PSMA1: variants seen among roughly 807,000 people sequenced by gnomAD.
The protein encoded by PSMA1 is proteasome subunit alpha type-1.
A neutral mutation model predicts 38.4 loss-of-function variants in PSMA1; 3 were observed. The ratio of observed to expected loss-of-function variants is 0.08; its 90% CI spans 0.04 to 0.20. The LOEUF (loss-of-function observed/expected upper bound fraction) is 0.20. Ranked by LOEUF, PSMA1 falls within the 10% of genes least tolerant of loss-of-function variation. The probability of loss-of-function intolerance (pLI) is 1.00; values close to 1 mark genes in which losing one functional copy is unlikely to be tolerated. For missense variants in PSMA1, 227 were observed against 325.3 expected (o/e 0.70, Z 2.32); for synonymous variants, 101 against 107.1 (o/e 0.94, Z 0.35).
At chr11:14,608,674 T>C (rs1034692790) in intron 2 of PSMA1, among the ~76,000 whole-genome samples, 1 of 147,798 alleles carries the variant, frequency 6.8e-6, no homozygotes, top group Non-Finnish European at 1.5e-5. Context: ...CTGTATTTTA[T>C]ACATATAAAA....
intron 7 of PSMA1, among the ~76,000 whole-genome samples, chr11:14,511,808 G>A (rs2031476612): frequency 6.6e-6 from 1 of 152,132 alleles, no homozygotes; most frequent in South Asian, 2.1e-4. Flanking sequence ...TCCAGCCACG[G>A]CAGTTAGAAA....
intron 2 of PSMA1, among the ~76,000 whole-genome samples, chr11:14,593,571 AT>A (rs1852447332): frequency 6.7e-6 from 1 of 150,276 alleles, no homozygotes; most frequent in African/African-American, 2.4e-5. Context: ...AAGCAAAGAC[AT>A]TCCGGGGTTA....
At chr11:14,638,484 G>T (rs1315323226) in intron 1 of PSMA1, among the ~76,000 whole-genome samples, 2 of 118,234 alleles carry the variant, frequency 1.7e-5, no homozygotes, top group African/African-American at 3.3e-5. Flanking sequence ...TACATTTTAA[G>T]TTGGCTTAGT....
chr11:14,548,163 C>T (rs1034249552), intron 2 of PSMA1, among the ~76,000 whole-genome samples: 2 of 152,050 alleles, frequency 1.3e-5, no homozygotes, highest in African/African-American at 2.4e-5. Flanking sequence ...TATAACATAC[C>T]TACTAAGTGC....
intron 2 of PSMA1, among the ~76,000 whole-genome samples, chr11:14,593,647 AGAGAGAGAGAGAGAGC>A (rs1428346693): frequency 4.6e-5 from 7 of 150,898 alleles, no homozygotes; most frequent in African/African-American, 1.7e-4. Flanking sequence ...AGAGAGAGAG[AGAGAGAGAGAGAGAGC>A]GCCAGCCCTA....
At chr11:14,610,996 A>C (rs1447954042) in exon 2 of PSMA1, 1 of 1,612,648 alleles carries the variant, frequency 6.2e-7, no homozygotes, top group Non-Finnish European at 8.5e-7. Context: ...TAACATTTCC[A>C]GGAGACAGTC....
intron 2 of PSMA1, among the ~76,000 whole-genome samples, chr11:14,575,423 C>T (rs1852201367): frequency 6.6e-6 from 1 of 151,598 alleles, no homozygotes; most frequent in South Asian, 2.1e-4. Context: ...CCCCACCCCA[C>T]CTCAGGCCAC....
rs1851687838 is a variant in PSMA1 at position 14,535,000 on chromosome 11, G to C, written c.22-15959C>G. On this transcript the variant is annotated intron_variant, in intron 2 of 10. Coordinates refer to the PSMA1 transcript ENST00000418988. This position sits in a 1 kb window ranked among gnomAD's most constrained non-coding sequence, Gnocchi z 4.5. ...GAGGCAGGAGAATTGCTTGAACCCAGGAGGCAGAGGTTGCAGTGGGCCGAG... is the reference window on the plus strand; with the variant it reads ...GAGGCAGGAGAATTGCTTGAACCCACGAGGCAGAGGTTGCAGTGGGCCGAG... Among the ~76,000 whole-genome samples the C allele has an allele frequency of 6.6e-6, 1 of 152,168 alleles. No homozygotes were observed. Among genetic ancestry groups the C allele is most frequent in the African/African-American group, 2.4e-5 (1 of 41,436 alleles).
intron 1 of PSMA1, among the ~76,000 whole-genome samples, chr11:14,637,521 T>C (rs186888800): frequency 1.3e-4 from 20 of 152,316 alleles, no homozygotes; most frequent in African/African-American, 4.8e-4. Flanking sequence ...AATGAATACA[T>C]TTGCAAACAT....
intron 2 of PSMA1, among the ~76,000 whole-genome samples, chr11:14,526,191 G>C (rs1192178913): frequency 1.3e-5 from 2 of 152,000 alleles, no homozygotes; most frequent in Non-Finnish European, 2.9e-5. Context: ...TGGATACCTG[G>C]TTTTGCCATC....
At chr11:14,637,677 G>A (rs1853127391) in intron 1 of PSMA1, among the ~76,000 whole-genome samples, 1 of 151,900 alleles carries the variant, frequency 6.6e-6, no homozygotes, top group South Asian at 2.1e-4. Context: ...GATATGTAGG[G>A]CCATGAAATT....
intron 1 of PSMA1, among the ~76,000 whole-genome samples, chr11:14,619,269 C>T (rs543530393): frequency 5.9e-5 from 9 of 152,086 alleles, no homozygotes; most frequent in Admixed American, 1.3e-4. Context: ...GGCAACATGG[C>T]GAAAACTTGC....
At chr11:14,547,006 A>T (rs1256844454) in intron 2 of PSMA1, among the ~76,000 whole-genome samples, 1 of 152,264 alleles carries the variant, frequency 6.6e-6, no homozygotes, top group Non-Finnish European at 1.5e-5. Flanking sequence ...AATGAAGGAA[A>T]ACAGTGGCTC....
rs534017517 is a variant in PSMA1 at position 14,628,135 on chromosome 11, C to CTAA, written c.-166+15317_-166+15319dup. Among the ~76,000 whole-genome samples, 149 of 152,258 alleles carry CTAA rather than the reference C, an allele frequency of 9.8e-4. 2 individuals carry two copies. The South Asian group carries it at 0.012, about 12-fold the overall frequency. ...AAGGGATCTAGGTTGCATGCTCCATCTAATGCCTGATGATCTGAGATGGAA... is the reference window on the plus strand; with the variant it reads ...AAGGGATCTAGGTTGCATGCTCCATCTAATAATGCCTGATGATCTGAGATGGAA... On this transcript the variant is annotated intron_variant, in intron 1 of 10. Transcript: ENST00000418988.
chr11:14,533,998 T>G (rs1024516841), intron 2 of PSMA1, among the ~76,000 whole-genome samples: 1 of 151,894 alleles, frequency 6.6e-6, no homozygotes, highest in Non-Finnish European at 1.5e-5. Flanking sequence ...CTGACCAAAA[T>G]AGTGAAATCC....
chr11:14,610,754 C>T (rs1357801352), intron 2 of PSMA1: 1 of 553,200 alleles, frequency 1.8e-6, no homozygotes, highest in African/African-American at 1.9e-5. Context: ...CTTTTTGTGC[C>T]TATGACAAGG....
intron 1 of PSMA1, among the ~76,000 whole-genome samples, chr11:14,628,435 C>T (rs201583752): frequency 0.018 from 2,600 of 148,518 alleles, 78 homozygotes; most frequent in African/African-American, 0.061. Flanking sequence ...TTTGTTCTTG[C>T]GATAGTTTAC....
At chr11:14,576,108 TTTGA>T (rs1305971869) in intron 2 of PSMA1, among the ~76,000 whole-genome samples, 1 of 152,206 alleles carries the variant, frequency 6.6e-6, no homozygotes, top group East Asian at 1.9e-4. Flanking sequence ...GATGGGGTTG[TTTGA>T]TTTTTTCTTG....
chr11:14,597,058 C>T (rs980321153), intron 2 of PSMA1, among the ~76,000 whole-genome samples: 27 of 152,168 alleles, frequency 1.8e-4, no homozygotes, highest in Middle Eastern at 6.8e-3. Flanking sequence ...TATTGATTTG[C>T]GTATATTGAA....
Sources: allele counts gnomAD v4.1 joint callset (sites outside exome capture counted in the v4.1 genomes callset), GRCh38; gene constraint gnomAD v4.1.1; non-coding constraint Gnocchi (gnomAD v3.1); transcripts MANE v1.5; gene names NCBI Gene and HGNC (gene_info 2026-07-23, HGNC 2026-07-21).